VGLL4: variants seen among roughly 807,000 people sequenced by gnomAD.
VGLL4 encodes vestigial like family member 4.
A neutral mutation model predicts 21.0 loss-of-function variants in VGLL4; 7 were observed. The ratio of observed to expected loss-of-function variants is 0.33; its 90% CI spans 0.19 to 0.63. The LOEUF (loss-of-function observed/expected upper bound fraction) is 0.63. Ranked by LOEUF, VGLL4 falls within the 20% of genes least tolerant of loss-of-function variation. The pLI, the probability that VGLL4 is intolerant of heterozygous loss-of-function variation, is 0.78. For synonymous variants in VGLL4, 222 were observed against 173.2 expected (o/e 1.28, Z -2.21); for missense variants, 394 against 425.7 (o/e 0.93, Z 0.66).
chr3:11,682,423 A>AT, intron 2 of VGLL4, among the ~76,000 whole-genome samples: 1 of 150,986 alleles, frequency 6.6e-6, no homozygotes, highest in African/African-American at 2.4e-5. Flanking sequence ...AAAAAAAAAA[A>AT]AAAAAATAGG....
upstream of VGLL4, among the ~76,000 whole-genome samples, chr3:11,644,879 A>C (rs1470744985): frequency 1.3e-5 from 2 of 151,338 alleles, no homozygotes; most frequent in African/African-American, 4.8e-5. Context: ...GAAAAAAAGG[A>C]GACAAGGAGA....
At chr3:11,704,779 AT>A (rs1178430070) in intron 1 of VGLL4, among the ~76,000 whole-genome samples, 1 of 152,198 alleles carries the variant, frequency 6.6e-6, no homozygotes, top group Non-Finnish European at 1.5e-5. Context: ...GTCATGAGCC[AT>A]TTTCAACCCA....
In VGLL4 at chr3:11,665,542, T is replaced by C. The variant is rs569498572; in HGVS notation, c.64+37429A>G. On this transcript the variant is annotated intron_variant, in intron 2 of 5. Transcript: ENST00000273038. ...AGCCTGAGGCTGAGTGACTCCGGAG[T>C]GGCAGAAAGAGCCTGCTGAGCAGCT... Among the ~76,000 whole-genome samples the C allele has an allele frequency of 2.0e-5, 3 of 152,110 alleles. No homozygotes were observed. The East Asian group carries it at 5.8e-4, about 29-fold the overall frequency.
intron 1 of VGLL4, among the ~76,000 whole-genome samples, chr3:11,618,335 A>T (rs906181774): frequency 1.3e-5 from 2 of 152,190 alleles, no homozygotes; most frequent in African/African-American, 4.8e-5. Context: ...ATTATCCAAT[A>T]AAAAAACTAA....
chr3:11,636,949 C>T (rs1240519333), intron 1 of VGLL4, among the ~76,000 whole-genome samples: 2 of 151,818 alleles, frequency 1.3e-5, no homozygotes, highest in Admixed American at 6.6e-5. Flanking sequence ...CTCAAAGAGA[C>T]GCTGGCTTCA....
chr3:11,662,861 A>C (rs1222984983), intron 2 of VGLL4, among the ~76,000 whole-genome samples: 1 of 152,266 alleles, frequency 6.6e-6, no homozygotes, highest in African/African-American at 2.4e-5. Context: ...TACAAAATAA[A>C]CAACAGTGAT....
intron 2 of VGLL4, among the ~76,000 whole-genome samples, chr3:11,652,235 T>G (rs1234952269): frequency 6.6e-6 from 1 of 152,356 alleles, no homozygotes; most frequent in Admixed American, 6.5e-5. Flanking sequence ...AACCTTATTT[T>G]ATTTAATATT....
At chr3:11,716,699 G>A (rs1280729042) in intron 1 of VGLL4, among the ~76,000 whole-genome samples, 1 of 152,056 alleles carries the variant, frequency 6.6e-6, no homozygotes, top group Non-Finnish European at 1.5e-5. Flanking sequence ...AATTGTTCTG[G>A]TTTTAGCACC....
intron 1 of VGLL4, among the ~76,000 whole-genome samples, chr3:11,709,964 T>A (rs1452525029): frequency 6.6e-6 from 1 of 152,230 alleles, no homozygotes; most frequent in Admixed American, 6.5e-5. Context: ...GGTGCCAGCA[T>A]CTGCTCAGCT....
chr3:11,654,910 A>T (rs1349807839), intron 2 of VGLL4, among the ~76,000 whole-genome samples: 3 of 152,236 alleles, frequency 2.0e-5, no homozygotes, highest in Non-Finnish European at 4.4e-5. Flanking sequence ...AAAAATATTC[A>T]ATTAAGTCAA....
chr3:11,570,725 G>A (rs554050586), intron 2 of VGLL4, among the ~76,000 whole-genome samples: 61 of 152,232 alleles, frequency 4.0e-4, no homozygotes, highest in Middle Eastern at 3.4e-3. Context: ...TTAAATGTTG[G>A]GCATAAACAG....
chr3:11,563,222 C>T (rs1345417882), intron 3 of VGLL4, among the ~76,000 whole-genome samples: 6 of 152,190 alleles, frequency 3.9e-5, no homozygotes, highest in Non-Finnish European at 5.9e-5. Context: ...GTGGGTGCTC[C>T]GAGATTACAG....
chr3:11,647,883 G>A (rs1016606674), upstream of VGLL4, among the ~76,000 whole-genome samples: 1 of 151,786 alleles, frequency 6.6e-6, no homozygotes, highest in African/African-American at 2.4e-5. Flanking sequence ...TATCTTACTC[G>A]ATGTCATTAG....
intron 2 of VGLL4, among the ~76,000 whole-genome samples, chr3:11,665,467 C>T (rs1459160739): frequency 1.3e-5 from 2 of 152,326 alleles, no homozygotes; most frequent in East Asian, 3.9e-4. Flanking sequence ...AACATGCCTT[C>T]ATACACCTGC....
At chr3:11,650,744 C>CAG (rs1553738716) in intron 2 of VGLL4, among the ~76,000 whole-genome samples, 2,970 of 146,820 alleles carry the variant, frequency 0.02, 113 homozygotes, top group African/African-American at 0.071. Context: ...CACACACACA[C>CAG]AGACACACAC....
intron 2 of VGLL4, among the ~76,000 whole-genome samples, chr3:11,685,621 G>T (rs766671998): frequency 3.9e-5 from 6 of 152,108 alleles, no homozygotes; most frequent in Admixed American, 1.3e-4. Flanking sequence ...ATATTCCTTT[G>T]GGTATATACC....
chr3:11,560,576 T>A lies in VGLL4; in HGVS notation c.496-1121A>T, dbSNP rs111997547. Among the ~76,000 whole-genome samples, 193 of 152,152 alleles carry A rather than the reference T, an allele frequency of 1.3e-3. 1 individual carries two copies. The highest frequency in any genetic ancestry group is 4.3e-3 in the African/African-American group (177 of 41,506). ...CCTTCTCATGATAGACGACAGTGAT[T>A]GGGAATGGTGAAAGTGGATTCTAGG... is the stretch of plus-strand genomic sequence containing the variant. On this transcript the variant is annotated intron_variant, in intron 3 of 4. Transcript: ENST00000430365.
Position 11,581,078 on chromosome 3 carries a change from TAAA to T in VGLL4, c.273-16062_273-16060del, listed in dbSNP as rs78523823. Among the ~76,000 whole-genome samples the T allele has an allele frequency of 9.7e-4, 143 of 147,022 alleles. 1 individual carries two copies. The South Asian group carries it at 0.018, about 19-fold the overall frequency. ...TCTGCAACTCCTTTTTTTTTTTTTT[TAAA>T]AAAAAAGATAACTCTTTCTCTGTCG... is the stretch of plus-strand genomic sequence containing the variant. On this transcript the variant is annotated intron_variant, in intron 2 of 4. Transcript: ENST00000430365.
intron 2 of VGLL4, among the ~76,000 whole-genome samples, chr3:11,679,925 C>T (rs1025875702): frequency 2.0e-5 from 3 of 152,140 alleles, no homozygotes; most frequent in Non-Finnish European, 4.4e-5. Flanking sequence ...TCGTAGGACA[C>T]ACGACTGTCC....
Sources: allele counts gnomAD v4.1 joint callset (sites outside exome capture counted in the v4.1 genomes callset), GRCh38; gene constraint gnomAD v4.1.1; transcripts MANE v1.5; gene names NCBI Gene and HGNC (gene_info 2026-07-23, HGNC 2026-07-21).